Variants in PPM1H observed in about 807,000 individuals in gnomAD.
The protein encoded by PPM1H is protein phosphatase, Mg2+/Mn2+ dependent 1H.
In PPM1H, 27 loss-of-function variants were observed where a neutral mutation model predicts 54.9. The observed-to-expected ratio is 0.49, with a 90% CI of 0.36 to 0.68. The LOEUF (loss-of-function observed/expected upper bound fraction) is 0.68. Ranked by LOEUF, PPM1H falls within the 30% of genes least tolerant of loss-of-function variation. The pLI is 0.00. For missense variants in PPM1H, 596 were observed against 667.8 expected (o/e 0.89, Z 1.19); for synonymous variants, 305 against 270.8 (o/e 1.13, Z -1.24).
chr12:62,891,222 A>G (rs1025508618), intron 1 of PPM1H, among the ~76,000 whole-genome samples: 1 of 152,022 alleles, frequency 6.6e-6, no homozygotes, highest in Non-Finnish European at 1.5e-5. Context: ...AATGCATTCC[A>G]TATACGAATG....
rs140028024 is a variant in PPM1H, at chr12:62,894,497, C to T, written c.245+39995G>A. On this transcript the variant is annotated intron_variant, in intron 1 of 9. Transcript: ENST00000228705. ...AAAGGACAAAAGCCCCAAAACAAAT[C>T]CCAGGAAACATCCAGGTTCTGCCTC... 3.3e-5 allele frequency among the ~76,000 whole-genome samples: 5 copies of T among 152,276 alleles called. No individual in the cohort carries two copies. In the East Asian group the frequency reaches 9.7e-4, roughly 29 times the overall value.
At chr12:62,826,605 A>AT (rs1361911737) in intron 2 of PPM1H, among the ~76,000 whole-genome samples, 1 of 152,202 alleles carries the variant, frequency 6.6e-6, no homozygotes, top group Non-Finnish European at 1.5e-5. Context: ...TTCATTGTAA[A>AT]TTTCATGTTA....
intron 9 of PPM1H, chr12:62,658,794 A>G (rs1467800822): frequency 8.6e-6 from 4 of 466,366 alleles, no homozygotes; most frequent in Non-Finnish European, 1.6e-5. Context: ...AAAGAAAGAA[A>G]GAGGGGCCAT....
At position 62,750,630 on chromosome 12, in the gene PPM1H, C is replaced by A. The variant is rs887651067; in HGVS notation, c.870-13044G>T. On this transcript the variant is annotated intron_variant, in intron 4 of 9. Coordinates refer to ENST00000228705, the MANE Select transcript of PPM1H (RefSeq NM_020700.2). Reference sequence around the variant, plus strand: ...TGTTTTCAGTTCTCTTGGGCATATACCCAGGAGTGAAATTATTGAGCCATA... The same window carrying A: ...TGTTTTCAGTTCTCTTGGGCATATAACCAGGAGTGAAATTATTGAGCCATA... Among the ~76,000 whole-genome samples, 4 of 152,100 alleles carry A rather than the reference C, an allele frequency of 2.6e-5. No individual in the cohort carries two copies. In the East Asian group the frequency reaches 7.7e-4, roughly 29 times the overall value.
chr12:62,742,144 A>C (rs1345713257), intron 4 of PPM1H, among the ~76,000 whole-genome samples: 1 of 152,188 alleles, frequency 6.6e-6, no homozygotes, highest in Admixed American at 6.5e-5. Context: ...TCAAATTCAC[A>C]CACAATGAGG....
intron 6 of PPM1H, among the ~76,000 whole-genome samples, chr12:62,695,856 G>A (rs555146471): frequency 1.4e-4 from 22 of 152,258 alleles, no homozygotes; most frequent in Admixed American, 1.4e-3. Context: ...AAGGCCCTGA[G>A]ATGAGCGTGA....
chr12:62,716,036 G>C (rs1394195432), intron 6 of PPM1H, among the ~76,000 whole-genome samples: 1 of 152,128 alleles, frequency 6.6e-6, no homozygotes, highest in African/African-American at 2.4e-5. Context: ...CACTGTATTA[G>C]AAAGAACCCC....
At chr12:62,781,011 G>T (rs977246232) in intron 4 of PPM1H, among the ~76,000 whole-genome samples, 1 of 152,208 alleles carries the variant, frequency 6.6e-6, no homozygotes, top group East Asian at 1.9e-4. Flanking sequence ...CACGGGACGT[G>T]TTTCAAGGCA....
chr12:62,741,720 C>T (rs548869394), intron 4 of PPM1H, among the ~76,000 whole-genome samples: 16 of 152,234 alleles, frequency 1.1e-4, no homozygotes, highest in African/African-American at 3.9e-4. Flanking sequence ...AACTACCCCG[C>T]GGATATTTTC....
intron 4 of PPM1H, chr12:62,755,662 C>A: frequency 1.5e-6 from 1 of 658,844 alleles, no homozygotes; most frequent in South Asian, 1.7e-5. Flanking sequence ...GCCTCAAGAT[C>A]ATCAGCATGC....
At chr12:62,711,947 G>C (rs1336191505) in intron 6 of PPM1H, among the ~76,000 whole-genome samples, 1 of 152,172 alleles carries the variant, frequency 6.6e-6, no homozygotes, top group Non-Finnish European at 1.5e-5. Context: ...AGGGCAGGGA[G>C]CAGGGAGTCA....
chr12:62,914,132 A>G (rs555298469), intron 1 of PPM1H, among the ~76,000 whole-genome samples: 4 of 152,322 alleles, frequency 2.6e-5, no homozygotes, highest in African/African-American at 9.6e-5. Context: ...TCACGGAGTC[A>G]AATCTCTCAA....
intron 4 of PPM1H, among the ~76,000 whole-genome samples, chr12:62,739,830 T>A (rs2076372061): frequency 6.6e-6 from 1 of 151,688 alleles, no homozygotes; most frequent in African/African-American, 2.4e-5. Flanking sequence ...CAGCAGATGT[T>A]CACTTAACCA....
At chr12:62,683,033 T>TTTTTTATTA (rs1491110813) in intron 8 of PPM1H, among the ~76,000 whole-genome samples, 77 of 133,664 alleles carry the variant, frequency 5.8e-4, no homozygotes, top group Non-Finnish European at 1.0e-3. Flanking sequence ...GAGTTTATTA[T>TTTTTTATTA]TTATTATTAT....
At chr12:62,712,053 A>C (rs1294256556) in intron 6 of PPM1H, among the ~76,000 whole-genome samples, 1 of 152,258 alleles carries the variant, frequency 6.6e-6, no homozygotes, top group Non-Finnish European at 1.5e-5. Context: ...AAGATGCAGA[A>C]CATGCACATA....
At chr12:62,774,926 TGAGA>T (rs2076601191) in intron 4 of PPM1H, among the ~76,000 whole-genome samples, 8 of 152,096 alleles carry the variant, frequency 5.3e-5, no homozygotes, top group Non-Finnish European at 1.0e-4. Context: ...TGTGGGAACT[TGAGA>T]AAGACAATTC....
At chr12:62,920,964 G>A (rs1317862958) in intron 1 of PPM1H, among the ~76,000 whole-genome samples, 2 of 151,706 alleles carry the variant, frequency 1.3e-5, no homozygotes, top group East Asian at 1.9e-4. Context: ...TCACTCTGTC[G>A]CCCAGGCTGG....
intron 6 of PPM1H, among the ~76,000 whole-genome samples, chr12:62,712,114 C>T (rs2076210767): frequency 6.6e-6 from 1 of 152,250 alleles, no homozygotes. Context: ...AGAGGCCCCT[C>T]CCCATGTGGG....
intron 3 of PPM1H, among the ~76,000 whole-genome samples, chr12:62,794,451 T>G (rs1404174957): frequency 6.6e-6 from 1 of 152,138 alleles, no homozygotes. Flanking sequence ...TTCCAATCAT[T>G]TACCCAGTGA....
Sources: gnomAD v4.1 joint callset for allele counts (sites outside exome capture counted in the v4.1 genomes callset) on GRCh38, gnomAD v4.1.1 for gene constraint, MANE v1.5 for transcripts, NCBI Gene and HGNC (gene_info 2026-07-23, HGNC 2026-07-21) for gene names.